LRRTM4: variants seen among roughly 807,000 people sequenced by gnomAD.
The protein encoded by LRRTM4 is leucine-rich repeat transmembrane neuronal protein 4.
A neutral mutation model predicts 47.6 loss-of-function variants in LRRTM4; 25 were observed. That is an observed-to-expected ratio of 0.53 (90% confidence interval 0.38 to 0.73). LRRTM4 has a LOEUF of 0.73. Ranked by LOEUF, LRRTM4 falls within the 30% of genes least tolerant of loss-of-function variation. LRRTM4 has a pLI of 0.00. For synonymous variants in LRRTM4, 311 were observed against 269.5 expected, an observed-to-expected ratio of 1.15 and a Z score of -1.51; for missense variants, 638 against 713.4, an observed-to-expected ratio of 0.89 and a Z score of 1.20.
chr2:76,924,650 C>A (rs777103165), intron 3 of LRRTM4, among the ~76,000 whole-genome samples: 1 of 151,594 alleles, frequency 6.6e-6, no homozygotes, highest in East Asian at 1.9e-4. Context: ...ACAGTTTGAG[C>A]GTAATACAAA....
chr2:77,088,853 A>G (rs377596097), intron 3 of LRRTM4, among the ~76,000 whole-genome samples: 2 of 150,616 alleles, frequency 1.3e-5, no homozygotes, highest in South Asian at 2.1e-4. Flanking sequence ...CTCTTCTCCA[A>G]CCTCCCTCAC....
intron 3 of LRRTM4, among the ~76,000 whole-genome samples, chr2:77,090,133 C>CT (rs921116502): frequency 1.3e-5 from 2 of 152,156 alleles, no homozygotes; most frequent in Admixed American, 6.5e-5. Context: ...TTTTTATCAC[C>CT]TCCCCTCCTC....
chr2:76,997,846 A>G (rs1400616624), intron 3 of LRRTM4, among the ~76,000 whole-genome samples: 5 of 151,954 alleles, frequency 3.3e-5, no homozygotes, highest in South Asian at 4.1e-4. Context: ...TCCACCTCCA[A>G]TCAGGTCAGT....
chr2:77,394,460 T>A (rs1446687023), intron 3 of LRRTM4, among the ~76,000 whole-genome samples: 1 of 151,850 alleles, frequency 6.6e-6, no homozygotes, highest in Non-Finnish European at 1.5e-5. Flanking sequence ...AGCTATAAAT[T>A]TGGAAAGGAG....
intron 3 of LRRTM4, among the ~76,000 whole-genome samples, chr2:76,975,879 C>T (rs1676403511): frequency 6.6e-6 from 1 of 151,660 alleles, no homozygotes; most frequent in African/African-American, 2.4e-5. Flanking sequence ...GCAAATAAGT[C>T]ATAACAACAT....
At chr2:76,904,627 C>G (rs2103756699) in intron 3 of LRRTM4, among the ~76,000 whole-genome samples, 1 of 152,160 alleles carries the variant, frequency 6.6e-6, no homozygotes, top group South Asian at 2.1e-4. Flanking sequence ...TATAACTGAG[C>G]AGTGAGGAAT....
intron 3 of LRRTM4, among the ~76,000 whole-genome samples, chr2:77,439,579 T>A (rs895947500): frequency 5.9e-5 from 9 of 152,308 alleles, no homozygotes; most frequent in African/African-American, 2.2e-4. Flanking sequence ...GGATTCCTAT[T>A]TTTCCAATTT....
intron 3 of LRRTM4, among the ~76,000 whole-genome samples, chr2:77,139,419 C>A (rs1320415185): frequency 6.6e-6 from 1 of 152,154 alleles, no homozygotes; most frequent in African/African-American, 2.4e-5. Flanking sequence ...TGACAAAATT[C>A]AACAGCCTTC....
chr2:77,411,301 G>T (rs1346050374), intron 3 of LRRTM4, among the ~76,000 whole-genome samples: 1 of 152,066 alleles, frequency 6.6e-6, no homozygotes, highest in Non-Finnish European at 1.5e-5. Context: ...CATGATTCAA[G>T]TCACTCTTTC....
intron 3 of LRRTM4, among the ~76,000 whole-genome samples, chr2:77,084,015 A>C (rs1018362503): frequency 6.6e-6 from 1 of 151,454 alleles, no homozygotes; most frequent in African/African-American, 2.4e-5. Context: ...CCATGTTAGC[A>C]AGGATGATCC....
chr2:77,239,239 G>T (rs1334324416), intron 3 of LRRTM4, among the ~76,000 whole-genome samples: 3 of 151,822 alleles, frequency 2.0e-5, no homozygotes, highest in African/African-American at 7.2e-5. Flanking sequence ...ATACTAGTGT[G>T]CATACTACAT....
chr2:77,183,609 C>T (rs916640713), intron 3 of LRRTM4, among the ~76,000 whole-genome samples: 7 of 152,124 alleles, frequency 4.6e-5, no homozygotes, highest in African/African-American at 1.7e-4. Flanking sequence ...ATAAATCATG[C>T]TGCTATAAAG....
Position 77,202,641 on chromosome 2 carries a change from A to T in LRRTM4, c.1551+315677T>A, listed in dbSNP as rs138520078. 5.3e-4 allele frequency among the ~76,000 whole-genome samples: 80 copies of T among 151,996 alleles called. 2 individuals are homozygous for T. The East Asian group carries it at 0.014, about 27-fold the overall frequency. ...TGCTGTAAACACAAGAAGTTATCCA[A>T]GCTTTGTAACTCACTGTGCTATACT... On this transcript the variant is annotated intron_variant, in intron 3 of 3. Transcript: ENST00000409884.
intron 3 of LRRTM4, among the ~76,000 whole-genome samples, chr2:76,817,797 TTTGCGTTAACGAA>T: frequency 6.6e-6 from 1 of 151,988 alleles, no homozygotes; most frequent in Non-Finnish European, 1.5e-5. Context: ...TCCTATCAAA[TTTGCGTTAACGAA>T]TCTGGGCTGC....
chr2:77,305,119 C>A (rs2104175358), intron 3 of LRRTM4, among the ~76,000 whole-genome samples: 1 of 152,090 alleles, frequency 6.6e-6, no homozygotes, highest in South Asian at 2.1e-4. Flanking sequence ...GGTTGAAAAA[C>A]TACACATAAA....
intron 3 of LRRTM4, among the ~76,000 whole-genome samples, chr2:77,085,868 T>C (rs1680692944): frequency 6.6e-6 from 1 of 152,166 alleles, no homozygotes; most frequent in Non-Finnish European, 1.5e-5. Context: ...CCTAAATCTT[T>C]TAAAGATTTC....
At chr2:77,233,472 T>TA (rs1675021073) in intron 3 of LRRTM4, among the ~76,000 whole-genome samples, 1 of 152,212 alleles carries the variant, frequency 6.6e-6, no homozygotes. Context: ...ATCTTGGAAT[T>TA]ACACTTTTAT....
At chr2:76,860,374 G>C (rs1672278154) in intron 3 of LRRTM4, among the ~76,000 whole-genome samples, 1 of 152,176 alleles carries the variant, frequency 6.6e-6, no homozygotes, top group African/African-American at 2.4e-5. Flanking sequence ...TGACAAATTA[G>C]TGTGTTTACA....
At chr2:77,265,636 T>C (rs1359135867) in intron 3 of LRRTM4, among the ~76,000 whole-genome samples, 2 of 152,110 alleles carry the variant, frequency 1.3e-5, no homozygotes, top group African/African-American at 4.8e-5. Context: ...ACAGGACTAA[T>C]ATAGACACTG....
Sources: gnomAD v4.1 joint callset for allele counts (sites outside exome capture counted in the v4.1 genomes callset) on GRCh38, gnomAD v4.1.1 for gene constraint, MANE v1.5 for transcripts, NCBI Gene and HGNC (gene_info 2026-07-23, HGNC 2026-07-21) for gene names.